RBFOX1: variants seen among roughly 807,000 people sequenced by gnomAD.
The protein encoded by RBFOX1 is RNA binding fox-1 homolog 1.
In RBFOX1, 8 loss-of-function variants were observed where a neutral mutation model predicts 57.7. The observed-to-expected ratio is 0.14, with a 90% CI of 0.08 to 0.25. RBFOX1 has a LOEUF of 0.25. Ranked by LOEUF, RBFOX1 falls within the 10% of genes least tolerant of loss-of-function variation. RBFOX1 has a pLI of 1.00. For synonymous variants in RBFOX1, 326 were observed against 222.4 expected (o/e 1.47, Z -4.15); for missense variants, 611 against 548.5 (o/e 1.11, Z -1.14).
chr16:6,216,781 T>C (rs543908470), intron 1 of RBFOX1, among the ~76,000 whole-genome samples: 1 of 152,348 alleles, frequency 6.6e-6, no homozygotes, highest in Non-Finnish European at 1.5e-5. Context: ...CAAATTCTTT[T>C]ATTTCTCACG....
intron 3 of RBFOX1, among the ~76,000 whole-genome samples, chr16:6,828,486 T>C (rs1268625814): frequency 6.6e-6 from 1 of 151,584 alleles, no homozygotes; most frequent in Non-Finnish European, 1.5e-5. Context: ...ATCACGCCAT[T>C]GCACTCCAGC....
intron 3 of RBFOX1, among the ~76,000 whole-genome samples, chr16:6,857,598 G>C (rs1442392220): frequency 6.6e-6 from 1 of 152,102 alleles, no homozygotes; most frequent in African/African-American, 2.4e-5. Context: ...GTAGCTCTTT[G>C]CCAAGAACAT....
rs28405894 is a variant in RBFOX1 at position 7,699,986 on chromosome 16, C to G, written c.996-9070C>G. Among the ~76,000 whole-genome samples the G allele has an allele frequency of 3.8e-3, 585 of 152,180 alleles. 3 individuals carry two copies. The highest frequency in any genetic ancestry group is 0.013 in the African/African-American group (548 of 41,514). The stretch of plus-strand genomic sequence containing the variant: ...GTCTTGGTATTGGATTTTAACGTTG[C>G]CTCCTGGTGCTAGGTGGGTGTGTTG... On this transcript the variant is annotated intron_variant, in intron 14 of 15. Transcript: ENST00000550418.
chr16:6,560,859 A>T (rs1386435679), intron 2 of RBFOX1, among the ~76,000 whole-genome samples: 6 of 152,162 alleles, frequency 3.9e-5, no homozygotes, highest in African/African-American at 9.7e-5. Flanking sequence ...AGTGCTTGGC[A>T]TGTTGCTGTC....
intron 3 of RBFOX1, among the ~76,000 whole-genome samples, chr16:6,680,803 A>G (rs2058536768): frequency 6.6e-6 from 1 of 152,174 alleles, no homozygotes; most frequent in African/African-American, 2.4e-5. Flanking sequence ...ACCATTTTTT[A>G]AATAAATGTT....
intron 3 of RBFOX1, among the ~76,000 whole-genome samples, chr16:6,664,426 A>G (rs1425254739): frequency 3.3e-5 from 5 of 152,192 alleles, no homozygotes; most frequent in Admixed American, 1.3e-4. Flanking sequence ...GCGGTCATCT[A>G]GCGTCAGCAA....
chr16:7,004,660 T>A (rs1270584527), intron 3 of RBFOX1, among the ~76,000 whole-genome samples: 1 of 152,238 alleles, frequency 6.6e-6, no homozygotes, highest in Non-Finnish European at 1.5e-5. Flanking sequence ...TGTCTGGGCA[T>A]TTTTTCTATA....
At chr16:6,447,140 C>A (rs2094500640) in intron 2 of RBFOX1, among the ~76,000 whole-genome samples, 1 of 152,140 alleles carries the variant, frequency 6.6e-6, no homozygotes, top group Non-Finnish European at 1.5e-5. Context: ...AGTTCATGGT[C>A]TATTGGACTT....
intron 1 of RBFOX1, among the ~76,000 whole-genome samples, chr16:6,077,669 C>G (rs562573310): frequency 1.7e-5 from 2 of 115,226 alleles, no homozygotes; most frequent in African/African-American, 5.4e-5. Context: ...TTGCGTCAAC[C>G]TTGCCTTCTT....
chr16:6,533,701 T>C (rs1599092998), intron 2 of RBFOX1, among the ~76,000 whole-genome samples: 1 of 152,144 alleles, frequency 6.6e-6, no homozygotes, highest in South Asian at 2.1e-4. Flanking sequence ...CTCAGATCCA[T>C]GTTTTCCATC....
intron 2 of RBFOX1, among the ~76,000 whole-genome samples, chr16:6,619,687 C>CTTTTTTTTTTTTTTTTTTTTTTTTTTTCT: frequency 8.5e-6 from 1 of 117,948 alleles, no homozygotes; most frequent in Non-Finnish European, 1.7e-5. Flanking sequence ...TGTTGGTTTC[C>CTTTTTTTTTTTTTTTTTTTTTTTTTTTCT]TTTTTTTTTT....
intron 1 of RBFOX1, among the ~76,000 whole-genome samples, chr16:5,454,762 T>TC (rs796395340): frequency 1.0e-4 from 5 of 49,394 alleles, no homozygotes; most frequent in African/African-American, 3.7e-4. Context: ...TTCTTTTCTT[T>TC]CTTTCTCTTT....
chr16:5,587,752 A>G (rs564176624), intron 2 of RBFOX1, among the ~76,000 whole-genome samples: 4 of 152,248 alleles, frequency 2.6e-5, no homozygotes, highest in African/African-American at 7.2e-5. Context: ...GAGAATATGG[A>G]GGGACCTGAG....
At chr16:6,225,056 C>T (rs1407782120) in intron 1 of RBFOX1, among the ~76,000 whole-genome samples, 6 of 145,654 alleles carry the variant, frequency 4.1e-5, no homozygotes, top group Admixed American at 6.9e-5. Context: ...TCACTCACTC[C>T]AGGAATTTGG....
chr16:7,647,250 A>G (rs2063928541), intron 11 of RBFOX1, among the ~76,000 whole-genome samples: 1 of 152,202 alleles, frequency 6.6e-6, no homozygotes, highest in South Asian at 2.1e-4. Flanking sequence ...TCATGTGTCA[A>G]CAAGATGCTC....
At chr16:7,036,701 A>T (rs1293746290) in intron 3 of RBFOX1, among the ~76,000 whole-genome samples, 1 of 147,846 alleles carries the variant, frequency 6.8e-6, no homozygotes, top group East Asian at 2.0e-4. Flanking sequence ...TCAAAAACAA[A>T]CAAACAAACA....
intron 3 of RBFOX1, among the ~76,000 whole-genome samples, chr16:6,758,136 G>C (rs1316324409): frequency 6.6e-6 from 1 of 152,036 alleles, no homozygotes; most frequent in Non-Finnish European, 1.5e-5. Context: ...TCATGATTTT[G>C]AAACTTTGTG....
At chr16:6,785,976 A>G (rs958057812) in intron 3 of RBFOX1, among the ~76,000 whole-genome samples, 1 of 152,182 alleles carries the variant, frequency 6.6e-6, no homozygotes, top group South Asian at 2.1e-4. Flanking sequence ...CCAACAGACC[A>G]TCCTTCCAAA....
At chr16:6,928,513 C>T (rs992454319) in intron 3 of RBFOX1, among the ~76,000 whole-genome samples, 1 of 152,052 alleles carries the variant, frequency 6.6e-6, no homozygotes, top group Non-Finnish European at 1.5e-5. Context: ...TAATTATGCA[C>T]CTCTTGTCTT....
Sources: gnomAD v4.1 joint callset for allele counts (sites outside exome capture counted in the v4.1 genomes callset) on GRCh38, gnomAD v4.1.1 for gene constraint, MANE v1.5 for transcripts, NCBI Gene and HGNC (gene_info 2026-07-23, HGNC 2026-07-21) for gene names.